POGLUT1: variants seen among roughly 807,000 people sequenced by gnomAD.
POGLUT1 encodes 9630046K23Rik.
In POGLUT1, 32 loss-of-function variants were observed where a neutral mutation model predicts 61.3. That is an observed-to-expected ratio of 0.52 (90% CI 0.39 to 0.70). The LOEUF (loss-of-function observed/expected upper bound fraction) is 0.70. POGLUT1 is among the 30% of genes least tolerant of loss of function. The pLI is 0.00. For missense variants in POGLUT1, 411 were observed against 469.8 expected, an observed-to-expected ratio of 0.87 and a Z score of 1.16; for synonymous variants, 158 against 158.2, an observed-to-expected ratio of 1.00 and a Z score of 0.01.
intron 5 of POGLUT1, 23 bp downstream of exon 5, chr3:119,480,195 A>T: frequency 6.6e-7 from 1 of 1,509,370 alleles, no homozygotes; most frequent in Non-Finnish European, 8.9e-7. Context: ...AAGAGGTTTT[A>T]TTTTTTCTCT....
rs140695299 is a variant in POGLUT1 at position 119,477,386 on chromosome 3, C to T, written c.394C>T (p.Arg132Ter). 1.1e-5 allele frequency: 17 copies of T among 1,613,958 alleles called. No homozygotes were observed. The highest frequency in any genetic ancestry group is 2.2e-5 in the East Asian group (1 of 44,884). Residue 132 changes from arginine to a stop codon, truncating the protein, a stop_gained, in exon 4 of 11, where the codon CGA becomes TGA. Coordinates refer to ENST00000295588, the MANE Select transcript of POGLUT1 (RefSeq NM_152305.3). LOFTEE classifies it high-confidence loss of function. Reference protein sequence around the residue: ...LPDMEMVINVRDYPQVPKWME... With the variant: ...LPDMEMVINV ...TGACATGGAGATGGTGATCAATGTA[C>T]GAGATTATCCTCAGGTTCCTAAATG...
intron 6 of POGLUT1, among the ~76,000 whole-genome samples, chr3:119,486,254 G>A (rs1186745493): frequency 6.6e-6 from 1 of 152,168 alleles, no homozygotes; most frequent in Non-Finnish European, 1.5e-5. Flanking sequence ...CTGGGAAGGA[G>A]AGAGGGTTGG....
intron 5 of POGLUT1, among the ~76,000 whole-genome samples, chr3:119,480,410 G>A (rs1417699101): frequency 1.2e-4 from 18 of 151,670 alleles, no homozygotes; most frequent in African/African-American, 3.1e-4. Context: ...CACCACACCC[G>A]GCTAATTTCG....
chr3:119,484,106 G>A (rs1166034008), intron 5 of POGLUT1, among the ~76,000 whole-genome samples: 5 of 152,170 alleles, frequency 3.3e-5, no homozygotes, highest in Admixed American at 2.0e-4. Context: ...AAACAAGATA[G>A]TTCTGGCCTT....
intron 3 of POGLUT1, 42 bp downstream of exon 3, chr3:119,471,494 A>T: frequency 6.3e-7 from 1 of 1,585,966 alleles, no homozygotes; most frequent in South Asian, 1.1e-5. Flanking sequence ...ACTTTATTAC[A>T]TATGGGCTTG....
chr3:119,484,022 A>G (rs1486231621), intron 5 of POGLUT1, among the ~76,000 whole-genome samples: 1 of 152,174 alleles, frequency 6.6e-6, no homozygotes, highest in Non-Finnish European at 1.5e-5. Context: ...AGCATGAAAC[A>G]TTTTCCACTA....
intron 5 of POGLUT1, among the ~76,000 whole-genome samples, chr3:119,484,805 A>G (rs1003792544): frequency 6.6e-6 from 1 of 152,120 alleles, no homozygotes; most frequent in Non-Finnish European, 1.5e-5. Flanking sequence ...GTTAATGGGG[A>G]GTAGATTTGT....
chr3:119,482,637 AC>A (rs1213585368), intron 5 of POGLUT1, among the ~76,000 whole-genome samples: 1 of 152,224 alleles, frequency 6.6e-6, no homozygotes, highest in East Asian at 1.9e-4. Context: ...TTATAGAAAT[AC>A]AATTTTGTTT....
chr3:119,490,773 A>C, intron 9 of POGLUT1, 55 bp downstream of exon 9: 1 of 1,497,148 alleles, frequency 6.7e-7, no homozygotes, highest in South Asian at 1.2e-5. Flanking sequence ...ATCTGCTTTT[A>C]AAAATGCCTT....
chr3:119,476,251 C>T (rs2081536667), intron 3 of POGLUT1, among the ~76,000 whole-genome samples: 1 of 152,148 alleles, frequency 6.6e-6, no homozygotes, highest in African/African-American at 2.4e-5. Context: ...ACCGATATAT[C>T]ATATGCTGTG....
intron 3 of POGLUT1, chr3:119,471,917 G>A (rs2081478545): frequency 5.7e-6 from 1 of 174,220 alleles, no homozygotes; most frequent in Non-Finnish European, 1.2e-5. Flanking sequence ...GCACTTTGTG[G>A]TGGATTACTT....
Position 119,480,142 on chromosome 3 carries a change from G to A in POGLUT1, c.548G>A (p.Arg183Gln), listed in dbSNP as rs189569196. The A allele has an allele frequency of 1.5e-4, 241 of 1,604,866 alleles. No homozygotes were observed. The highest frequency in any genetic ancestry group is 5.5e-4 in the Admixed American group (32 of 57,728). Reference sequence around the variant, plus strand: ...CCAATTTATCCTACAGGTCTTGGACGGTGGGACCTCTTCAGAGAAGATCTG... The same window carrying A: ...CCAATTTATCCTACAGGTCTTGGACAGTGGGACCTCTTCAGAGAAGATCTG... ...VWPIYPTGLG[R>Q]WDLFREDLVR... The change falls in exon 5 of 11, where the codon CGG (arginine) becomes CAG (glutamine). Residue 183 changes from arginine (R) to glutamine (Q), a missense_variant. Coordinates refer to ENST00000295588, the MANE Select transcript of POGLUT1 (RefSeq NM_152305.3).
At chr3:119,485,125 G>A (rs994304135) in intron 5 of POGLUT1, among the ~76,000 whole-genome samples, 10 of 152,156 alleles carry the variant, frequency 6.6e-5, no homozygotes, top group Middle Eastern at 3.4e-3. Flanking sequence ...GCTGAGGCAG[G>A]AGAATGGCAT....
chr3:119,471,570 G>C, intron 3 of POGLUT1, 118 bp downstream of exon 3: 1 of 932,894 alleles, frequency 1.1e-6, no homozygotes, highest in Non-Finnish European at 1.7e-6. Context: ...ATTTCAGGCG[G>C]ACTATGAAAT....
chr3:119,485,610 A>G (rs981261851), intron 6 of POGLUT1, among the ~76,000 whole-genome samples: 1 of 152,284 alleles, frequency 6.6e-6, no homozygotes, highest in Non-Finnish European at 1.5e-5. Context: ...CATTTCAGTC[A>G]TTTAACAGAT....
Position 119,477,269 on chromosome 3 carries a change from T to C in POGLUT1, c.321-44T>C, listed in dbSNP as rs766799385. On this transcript the variant is annotated intron_variant, in intron 3 of 10. Coordinates refer to ENST00000295588, the MANE Select transcript of POGLUT1 (RefSeq NM_152305.3). ...TGGGACCTCGCCTTGTCCTAGAGCC[T>C]GCAGGCACTACTCTGCTGAATTTAT... 2.5e-6 allele frequency: 4 copies of C among 1,605,200 alleles called. No homozygotes were observed. In the Admixed American group the frequency reaches 6.7e-5, roughly 27 times the overall value.
At chr3:119,470,796 A>G (rs114134843) in intron 2 of POGLUT1, among the ~76,000 whole-genome samples, 152 of 152,330 alleles carry the variant, frequency 1.0e-3, no homozygotes, top group African/African-American at 3.4e-3. Context: ...TTGGATGCTT[A>G]TGATACTTAT....
At chr3:119,478,066 G>T (rs6802116) in intron 4 of POGLUT1, 6,933 of 319,584 alleles carry the variant, frequency 0.022, 278 homozygotes, top group African/African-American at 0.088. Context: ...GGGGAATTGG[G>T]GGCAAGGAAT....
chr3:119,484,075 G>A (rs529519314), intron 5 of POGLUT1, among the ~76,000 whole-genome samples: 1 of 152,198 alleles, frequency 6.6e-6, no homozygotes, highest in South Asian at 2.1e-4. Flanking sequence ...GTCTCTGCTT[G>A]GGCAGGAAGA....
Sources: allele counts gnomAD v4.1 joint callset (sites outside exome capture counted in the v4.1 genomes callset), GRCh38; gene constraint gnomAD v4.1.1; transcripts MANE v1.5; gene names NCBI Gene and HGNC (gene_info 2026-07-23, HGNC 2026-07-21).